SLC9A8: variants seen among roughly 807,000 people sequenced by gnomAD.
SLC9A8 encodes the protein sodium/hydrogen exchanger 8.
SLC9A8 carries 48 observed loss-of-function variants against 66.6 expected under a neutral mutation model. The ratio of observed to expected loss-of-function variants is 0.72; its 90% CI spans 0.57 to 0.92. The LOEUF (loss-of-function observed/expected upper bound fraction) is 0.92, where lower values mean the gene tolerates loss of function less well. Ranked by LOEUF, SLC9A8 falls within the 40% of genes least tolerant of loss-of-function variation. The pLI is 0.00. For synonymous variants in SLC9A8, 274 were observed against 282.6 expected, an observed-to-expected ratio of 0.97 and a Z score of 0.31; for missense variants, 599 against 747.3, an observed-to-expected ratio of 0.80 and a Z score of 2.31.
intron 10 of SLC9A8, among the ~76,000 whole-genome samples, chr20:49,871,252 C>T (rs1474124740): frequency 3.3e-5 from 5 of 152,172 alleles, no homozygotes; most frequent in South Asian, 2.1e-4. Flanking sequence ...CAGTAAGGCA[C>T]GGTACAGTGT....
At chr20:49,836,073 A>G (rs2146543633) in intron 3 of SLC9A8, among the ~76,000 whole-genome samples, 1 of 152,290 alleles carries the variant, frequency 6.6e-6, no homozygotes, top group South Asian at 2.1e-4. Flanking sequence ...AAAAGAAACC[A>G]CATGCCCTTT....
intron 13 of SLC9A8, among the ~76,000 whole-genome samples, chr20:49,881,883 G>A (rs899306015): frequency 1.3e-5 from 2 of 152,144 alleles, no homozygotes; most frequent in African/African-American, 4.8e-5. Context: ...GTGTGTCAGA[G>A]GTTTTTGAAG....
intron 2 of SLC9A8, 89 bp from the exon 3 acceptor site, chr20:49,822,972 C>T (rs1378429963): frequency 1.9e-5 from 20 of 1,078,092 alleles, no homozygotes; most frequent in Admixed American, 9.0e-5. Flanking sequence ...TGAGGACCCC[C>T]CCAGAAATAA....
intron 9 of SLC9A8, among the ~76,000 whole-genome samples, chr20:49,863,697 A>G (rs1246591695): frequency 1.3e-5 from 2 of 152,278 alleles, no homozygotes; most frequent in Non-Finnish European, 2.9e-5. Context: ...TTGACAACCA[A>G]TAAGCTTTTC....
intron 2 of SLC9A8, among the ~76,000 whole-genome samples, chr20:49,817,037 T>C: frequency 6.9e-6 from 1 of 145,070 alleles, no homozygotes; most frequent in Non-Finnish European, 1.5e-5. Flanking sequence ...CAAGTCCAAA[T>C]TCTTGTTTGG....
intron 5 of SLC9A8, among the ~76,000 whole-genome samples, chr20:49,847,907 G>GGT (rs10632372): frequency 9.5e-5 from 11 of 115,216 alleles, no homozygotes; most frequent in Non-Finnish European, 1.5e-4. Context: ...TGATTAATCT[G>GGT]TTTTTTTTTT....
intron 5 of SLC9A8, among the ~76,000 whole-genome samples, chr20:49,848,624 A>G (rs1322812023): frequency 7.9e-5 from 12 of 152,328 alleles, no homozygotes; most frequent in Middle Eastern, 3.4e-3. Context: ...CCTTAATTTT[A>G]TGGAAATTTG....
rs537164484 is a variant in SLC9A8 at position 49,815,004 on chromosome 20, C to A, written c.27-4C>A. 2.9e-5 allele frequency: 44 copies of A among 1,542,054 alleles called. No homozygotes were observed. The South Asian group carries it at 4.7e-4, about 16-fold the overall frequency. On this transcript the variant is annotated splice_polypyrimidine_tract_variant and splice_region_variant and intron_variant, in intron 1 of 15. Transcript: ENST00000361573. Reference sequence around the variant, plus strand: ...TATCTAATTATGCTTTCTATGTCCTCCAGGAGGTTCCCCAATACAACTCAT... The same window carrying A: ...TATCTAATTATGCTTTCTATGTCCTACAGGAGGTTCCCCAATACAACTCAT...
intron 5 of SLC9A8, among the ~76,000 whole-genome samples, chr20:49,848,988 T>G (rs546136171): frequency 6.6e-6 from 1 of 152,218 alleles, no homozygotes; most frequent in South Asian, 2.1e-4. Flanking sequence ...AAGTGCAAAA[T>G]TGCAGTCTTG....
intron 7 of SLC9A8, 61 bp downstream of exon 7, chr20:49,850,905 C>T (rs2088222395): frequency 2.3e-6 from 3 of 1,285,906 alleles, no homozygotes; most frequent in Admixed American, 2.0e-5. Context: ...AATGTTTCTC[C>T]ACATTGCTTC....
chr20:49,847,875 A>G (rs1282782602), intron 5 of SLC9A8, among the ~76,000 whole-genome samples: 1 of 148,514 alleles, frequency 6.7e-6, no homozygotes, highest in African/African-American at 2.5e-5. Context: ...TCAACATTAG[A>G]TCTCTGCAAA....
chr20:49,827,691 T>A (rs1434134745), intron 3 of SLC9A8, among the ~76,000 whole-genome samples: 2 of 151,918 alleles, frequency 1.3e-5, no homozygotes, highest in Admixed American at 6.6e-5. Flanking sequence ...GACAGGAGTT[T>A]CCCCCAACCC....
intron 5 of SLC9A8, among the ~76,000 whole-genome samples, chr20:49,848,679 C>T (rs2088114665): frequency 1.3e-5 from 2 of 152,074 alleles, no homozygotes; most frequent in East Asian, 1.9e-4. Flanking sequence ...TTATCTTAAA[C>T]GCTGTGAAGT....
chr20:49,868,448 G>A (rs2089065487), intron 10 of SLC9A8, among the ~76,000 whole-genome samples: 1 of 152,228 alleles, frequency 6.6e-6, no homozygotes, highest in African/African-American at 2.4e-5. Flanking sequence ...CACTGTGAAA[G>A]CACAGATGGA....
At chr20:49,847,007 A>G (rs952694630) in intron 5 of SLC9A8, among the ~76,000 whole-genome samples, 9 of 152,188 alleles carry the variant, frequency 5.9e-5, no homozygotes, top group Non-Finnish European at 8.8e-5. Flanking sequence ...AATGAGTTAG[A>G]TTTGTCTAGA....
At chr20:49,834,732 G>C (rs537348500) in intron 3 of SLC9A8, among the ~76,000 whole-genome samples, 8 of 152,052 alleles carry the variant, frequency 5.3e-5, no homozygotes, top group East Asian at 1.9e-4. Context: ...AAAGACGCAG[G>C]CTTGGGCAAT....
chr20:49,855,304 C>A, intron 7 of SLC9A8, 134 bp from the exon 8 acceptor site: 1 of 919,990 alleles, frequency 1.1e-6, no homozygotes. Context: ...AAAAAATACG[C>A]TACCTTCTGT....
intron 15 of SLC9A8, 91 bp from the exon 16 acceptor site, chr20:49,887,738 G>C: frequency 1.0e-6 from 1 of 969,884 alleles, no homozygotes; most frequent in Non-Finnish European, 1.6e-6. Context: ...CTCCTCCCTA[G>C]ACACCCCACA....
intron 9 of SLC9A8, 83 bp downstream of exon 9, chr20:49,863,150 A>C: frequency 7.8e-7 from 1 of 1,281,806 alleles, no homozygotes; most frequent in East Asian, 2.6e-5. Context: ...CTGTTTTTTA[A>C]GGGGGCCAAT....
Sources: allele counts gnomAD v4.1 joint callset (sites outside exome capture counted in the v4.1 genomes callset), GRCh38; gene constraint gnomAD v4.1.1; transcripts MANE v1.5; gene names NCBI Gene and HGNC (gene_info 2026-07-23, HGNC 2026-07-21).